ST8SIA5: variants seen among roughly 807,000 people sequenced by gnomAD.
ST8SIA5 encodes alpha-2,8-sialyltransferase 8E.
A neutral mutation model predicts 40.2 loss-of-function variants in ST8SIA5; 24 were observed. The ratio of observed to expected loss-of-function variants is 0.60; its 90% confidence interval spans 0.43 to 0.84. ST8SIA5 has a LOEUF of 0.84. Ranked by LOEUF, ST8SIA5 falls within the 40% of genes least tolerant of loss-of-function variation. ST8SIA5 has a pLI of 0.00. For missense variants in ST8SIA5, 465 were observed against 498.5 expected, an observed-to-expected ratio of 0.93 and a Z score of 0.64; for synonymous variants, 198 against 201.8, an observed-to-expected ratio of 0.98 and a Z score of 0.16.
chr18:46,736,304 A>G (rs2040033908), intron 1 of ST8SIA5, among the ~76,000 whole-genome samples: 1 of 152,188 alleles, frequency 6.6e-6, no homozygotes, highest in Non-Finnish European at 1.5e-5. Context: ...CAAAGGGCAC[A>G]CAATGGATGC....
At position 46,679,911 on chromosome 18, in the gene ST8SIA5, G is replaced by C. The variant is rs1189965353; in HGVS notation, c.*131C>G. On this transcript the variant is annotated 3_prime_UTR_variant, in exon 7 of 7. Coordinates refer to ENST00000315087, the MANE Select transcript of ST8SIA5 (RefSeq NM_013305.6). ...CTCCCTACCCCAGGATCCAAGTACA[G>C]AGCTGAACAATGGAGGGAGAGACAG... is the stretch of plus-strand genomic sequence containing the variant. The C allele has an allele frequency of 6.7e-6, 6 of 899,078 alleles. No individual in the cohort carries two copies. The highest frequency in any genetic ancestry group is 1.7e-5 in the African/African-American group (1 of 59,438). 55.7% of individuals were successfully genotyped at this position (899,078 alleles called of 1,614,324 possible). A position where few individuals can be genotyped will look rare whatever the true frequency, so the allele number is the denominator to read the frequency against.
intron 1 of ST8SIA5, among the ~76,000 whole-genome samples, chr18:46,710,738 C>T (rs937646788): frequency 1.3e-5 from 2 of 151,966 alleles, no homozygotes; most frequent in African/African-American, 4.8e-5. Flanking sequence ...CAAAAGCCTG[C>T]CCCACAGAGG....
At chr18:46,686,989 G>T (rs1040119757) in intron 4 of ST8SIA5, among the ~76,000 whole-genome samples, 1 of 152,126 alleles carries the variant, frequency 6.6e-6, no homozygotes, top group African/African-American at 2.4e-5. Context: ...CAGATAGGAG[G>T]CTGGGAAGCT....
chr18:46,741,175 T>A (rs576931955), intron 1 of ST8SIA5, among the ~76,000 whole-genome samples: 1 of 152,038 alleles, frequency 6.6e-6, no homozygotes, highest in Non-Finnish European at 1.5e-5. Context: ...TAAATAATGT[T>A]AAGAATTAAA....
intron 1 of ST8SIA5, among the ~76,000 whole-genome samples, chr18:46,716,035 G>A (rs1270483049): frequency 6.6e-6 from 1 of 151,948 alleles, no homozygotes; most frequent in Non-Finnish European, 1.5e-5. Context: ...AGCCCAGAAG[G>A]AAGAACCCCT....
In ST8SIA5 at chr18:46,699,040, A is replaced by C. The variant is rs111690481; in HGVS notation, c.224+5532T>G. On this transcript the variant is annotated intron_variant, in intron 2 of 6. Transcript: ENST00000315087. ...CTATTTGTTATTCTTCAAATTTTAG[A>C]GTTAATCTCTAGAAAAAGCTTCAAA... Among the ~76,000 whole-genome samples, 1,114 of 152,338 alleles carry C rather than the reference A, an allele frequency of 7.3e-3. 5 individuals carry two copies. The highest frequency in any genetic ancestry group is 0.011 in the Non-Finnish European group (750 of 68,028).
At position 46,671,087 on chromosome 18, in the gene ST8SIA5, T is replaced by A. The variant is rs548901446; in HGVS notation, c.*8955A>T. ...GGCTGAGTGAATTTGCTGGGTTCGA[T>A]CCTAGGAAGTGAGTTGTGTTTTCAC... On this transcript the variant is annotated 3_prime_UTR_variant, in exon 7 of 7. Coordinates refer to ENST00000315087, the MANE Select transcript of ST8SIA5 (RefSeq NM_013305.6). 1 of 152,162 alleles carries A rather than the reference T, an allele frequency of 6.6e-6. No homozygotes were observed. The highest frequency in any genetic ancestry group is 1.5e-5 in the Non-Finnish European group (1 of 68,028). 9.4% of individuals were successfully genotyped at this position (152,162 alleles called of 1,614,324 possible).
chr18:46,751,315 C>G (rs1305750754), intron 1 of ST8SIA5, among the ~76,000 whole-genome samples: 3 of 152,254 alleles, frequency 2.0e-5, no homozygotes, highest in Middle Eastern at 6.8e-3. Flanking sequence ...AACTTCCTTT[C>G]TTTTTAAGGC....
intron 1 of ST8SIA5, among the ~76,000 whole-genome samples, chr18:46,726,824 C>T (rs1276925573): frequency 6.6e-6 from 1 of 152,118 alleles, no homozygotes; most frequent in Non-Finnish European, 1.5e-5. Context: ...GAGGCTGAGG[C>T]AGAGTATTGC....
At chr18:46,705,017 CAG>C (rs1452848015) in intron 1 of ST8SIA5, among the ~76,000 whole-genome samples, 1 of 152,344 alleles carries the variant, frequency 6.6e-6, no homozygotes, top group East Asian at 1.9e-4. Context: ...TCAGAGAAAG[CAG>C]AGAGACCAGA....
chr18:46,741,197 C>T (rs74688960), intron 1 of ST8SIA5, among the ~76,000 whole-genome samples: 11,106 of 151,684 alleles, frequency 0.073, 741 homozygotes, highest in East Asian at 0.32. Flanking sequence ...AGGGGCAAAC[C>T]GATGGATATG....
At chr18:46,707,667 T>G (rs986126953) in intron 1 of ST8SIA5, among the ~76,000 whole-genome samples, 2 of 152,208 alleles carry the variant, frequency 1.3e-5, no homozygotes, top group African/African-American at 4.8e-5. Context: ...TTGTGTCTCC[T>G]CTACAATTCA....
At position 46,674,878 on chromosome 18, in the gene ST8SIA5, T is replaced by C. The variant is rs2039330645; in HGVS notation, c.*5164A>G. 6.6e-6 allele frequency: 1 copy of C among 151,784 alleles called. No homozygotes were observed. The highest frequency in any genetic ancestry group is 1.5e-5 in the Non-Finnish European group (1 of 67,962). 9.4% of individuals were successfully genotyped at this position (151,784 alleles called of 1,614,324 possible). A position where few individuals can be genotyped will look rare whatever the true frequency, so the allele number is the denominator to read the frequency against. On this transcript the variant is annotated 3_prime_UTR_variant, in exon 7 of 7. Transcript: ENST00000315087. ...GGCCATTCCAGGTGTTTGAACAGAG[T>C]GTGCAAAGGTGCCTGGAATAGTATG...
intron 1 of ST8SIA5, 84 bp downstream of exon 1, chr18:46,756,294 G>C: frequency 6.4e-7 from 1 of 1,563,728 alleles, no homozygotes; most frequent in Non-Finnish European, 8.7e-7. Flanking sequence ...CCGGGGCGCT[G>C]CGACCGAAGC....
At chr18:46,754,071 G>T (rs1034118262) in intron 1 of ST8SIA5, among the ~76,000 whole-genome samples, 1 of 152,066 alleles carries the variant, frequency 6.6e-6, no homozygotes, top group Admixed American at 6.6e-5. Flanking sequence ...CATCAGGCCA[G>T]TTCATTACAA....
At chr18:46,714,087 C>T (rs1351599233) in intron 1 of ST8SIA5, among the ~76,000 whole-genome samples, 6 of 152,130 alleles carry the variant, frequency 3.9e-5, no homozygotes, top group Non-Finnish European at 8.8e-5. Flanking sequence ...TACAATCAGC[C>T]AGAGGAAGCA....
In ST8SIA5 at chr18:46,680,340, TG is replaced by T; in HGVS notation, c.832del (p.His278IlefsTer49). 1 of 1,614,204 alleles carries T rather than the reference TG, an allele frequency of 6.2e-7. No homozygotes were observed. Among genetic ancestry groups the T allele is most frequent in the Non-Finnish European group, 8.5e-7 (1 of 1,180,034 alleles). The part of the protein sequence containing the change: ...FESPQAVYYF[H>X]PQYLVNVSRY... ...CGACACGTTGACCAGGTACTGCGGA[TG>T]GAAGTAGTAGACAGCTTGCGGCGAT... On this transcript the variant is annotated frameshift_variant, in exon 7 of 7. Transcript: ENST00000315087. LOFTEE classifies it high-confidence loss of function.
At chr18:46,703,833 A>G (rs1385508726) in intron 2 of ST8SIA5, among the ~76,000 whole-genome samples, 1 of 152,216 alleles carries the variant, frequency 6.6e-6, no homozygotes, top group Non-Finnish European at 1.5e-5. Context: ...TGCTGAATTC[A>G]TGGCAGTTCT....
intron 1 of ST8SIA5, 87 bp downstream of exon 1, chr18:46,756,291 G>T (rs2040244879): frequency 1.3e-6 from 2 of 1,554,146 alleles, no homozygotes; most frequent in Non-Finnish European, 1.7e-6. Context: ...ACCCCGGGGC[G>T]CTGCGACCGA....
Sources: gnomAD v4.1 joint callset for allele counts (sites outside exome capture counted in the v4.1 genomes callset) on GRCh38, gnomAD v4.1.1 for gene constraint, MANE v1.5 for transcripts, NCBI Gene and HGNC (gene_info 2026-07-23, HGNC 2026-07-21) for gene names.